CHSY3: variants seen among roughly 807,000 people sequenced by gnomAD.
CHSY3 encodes the protein chondroitin sulfate synthase 3.
Under a neutral mutation model 67.2 loss-of-function variants are expected in CHSY3, and 35 were observed. The observed-to-expected ratio is 0.52, with a 90% confidence interval of 0.40 to 0.69. CHSY3 has a LOEUF of 0.69. CHSY3 is among the 30% of genes least tolerant of loss of function. The probability of loss-of-function intolerance (pLI) is 0.00; values close to 1 mark genes in which losing one functional copy is unlikely to be tolerated. For missense variants in CHSY3, 1,069 were observed against 1,138.5 expected (o/e 0.94, Z 0.88); for synonymous variants, 474 against 434.7 (o/e 1.09, Z -1.12).
intron 2 of CHSY3, among the ~76,000 whole-genome samples, chr5:130,005,091 C>CA (rs1763837868): frequency 6.6e-6 from 1 of 151,872 alleles, no homozygotes; most frequent in African/African-American, 2.4e-5. Context: ...TTAGTTTGGC[C>CA]AAAAAACCTA....
rs756768725 is a variant in CHSY3, at chr5:130,185,087, A to T, written c.1945A>T (p.Lys649Ter). 1 of 1,603,702 alleles carries T rather than the reference A, an allele frequency of 6.2e-7. No homozygotes were observed. The highest frequency in any genetic ancestry group is 8.5e-7 in the Non-Finnish European group (1 of 1,170,582). The change falls in exon 3 of 3, where the codon AAG becomes TAG. Residue 649 changes from lysine (K) to a stop codon, truncating the protein, a stop_gained. Coordinates refer to ENST00000305031, the MANE Select transcript of CHSY3 (RefSeq NM_175856.5). LOFTEE classifies it high-confidence loss of function. ...CTTTGAAAACATGTGTCTTATCCCA[A>T]AGCAGAATGTAAAGTTGGTCATTAT... is the stretch of plus-strand genomic sequence containing the variant. The part of the protein sequence containing the change: ...ENFENMCLIP[K>*]QNVKLVIILF...
intron 2 of CHSY3, among the ~76,000 whole-genome samples, chr5:130,136,870 T>G (rs1419889023): frequency 6.6e-6 from 1 of 152,172 alleles, no homozygotes; most frequent in African/African-American, 2.4e-5. Context: ...AAGAACCAGA[T>G]CATCACCAAT....
intron 2 of CHSY3, among the ~76,000 whole-genome samples, chr5:130,022,420 A>G (rs1402735505): frequency 3.9e-5 from 6 of 152,008 alleles, no homozygotes; most frequent in African/African-American, 2.4e-5. Flanking sequence ...TAATACCACC[A>G]CTAATAATGT....
intron 2 of CHSY3, among the ~76,000 whole-genome samples, chr5:129,956,151 C>T (rs1762165870): frequency 6.6e-6 from 1 of 152,140 alleles, no homozygotes; most frequent in Admixed American, 6.6e-5. Flanking sequence ...AATTTACACT[C>T]CCGCCAACAG....
At chr5:130,127,603 T>C (rs1768336120) in intron 2 of CHSY3, among the ~76,000 whole-genome samples, 1 of 152,246 alleles carries the variant, frequency 6.6e-6, no homozygotes, top group African/African-American at 2.4e-5. Context: ...TGTTTTATTT[T>C]ATTTTCATGT....
chr5:130,068,783 G>C (rs1196171435), intron 2 of CHSY3, among the ~76,000 whole-genome samples: 1 of 152,132 alleles, frequency 6.6e-6, no homozygotes, highest in South Asian at 2.1e-4. Flanking sequence ...CCACTGTCAG[G>C]TTCTGGCTCG....
intron 2 of CHSY3, among the ~76,000 whole-genome samples, chr5:129,933,582 T>C (rs939327993): frequency 3.9e-5 from 6 of 152,196 alleles, no homozygotes; most frequent in African/African-American, 1.4e-4. Context: ...GTTAGCTAAG[T>C]TAATTTTACT....
intron 2 of CHSY3, among the ~76,000 whole-genome samples, chr5:130,046,066 A>G (rs537138751): frequency 6.6e-6 from 1 of 152,228 alleles, no homozygotes; most frequent in Admixed American, 6.6e-5. Context: ...AACGACTATT[A>G]TAACTCATGT....
chr5:130,089,115 T>G (rs1417394400), intron 2 of CHSY3, among the ~76,000 whole-genome samples: 2 of 149,920 alleles, frequency 1.3e-5, no homozygotes, highest in Non-Finnish European at 3.0e-5. Context: ...AGTAAACTAT[T>G]GCAAGGACAA....
At chr5:130,119,216 AC>A (rs1249063449) in intron 2 of CHSY3, among the ~76,000 whole-genome samples, 1 of 152,108 alleles carries the variant, frequency 6.6e-6, no homozygotes, top group African/African-American at 2.4e-5. Flanking sequence ...CAGAACTCCA[AC>A]TCAGGACTGA....
rs1760816356 is a variant in CHSY3 at position 129,918,808 on chromosome 5, T to TG, written c.1086+10448_1086+10449insG. ...ACATTGTAGATCAGTGATTCTCTTTTAAAAAAAAAAAAAAATTGGCCGGGC... is the reference window on the plus strand; with the variant it reads ...ACATTGTAGATCAGTGATTCTCTTTTGAAAAAAAAAAAAAAATTGGCCGGGC... On this transcript the variant is annotated intron_variant, in intron 2 of 2. Coordinates refer to ENST00000305031, the MANE Select transcript of CHSY3 (RefSeq NM_175856.5). Among the ~76,000 whole-genome samples the TG allele has an allele frequency of 3.4e-5, 5 of 145,286 alleles. 1 individual carries two copies. The South Asian group carries it at 1.1e-3, about 31-fold the overall frequency.
At chr5:130,111,950 T>C (rs949985480) in intron 2 of CHSY3, among the ~76,000 whole-genome samples, 1 of 152,124 alleles carries the variant, frequency 6.6e-6, no homozygotes, top group Admixed American at 6.6e-5. Context: ...GTATCATGTT[T>C]ATGAGGAATA....
chr5:129,908,493 G>T, intron 2 of CHSY3, 133 bp downstream of exon 2: 1 of 1,346,628 alleles, frequency 7.4e-7, no homozygotes, highest in South Asian at 1.5e-5. Context: ...GCCCTTAAGG[G>T]ATACAAGAGT....
chr5:130,135,703 T>C (rs760698504), intron 2 of CHSY3, among the ~76,000 whole-genome samples: 2 of 152,132 alleles, frequency 1.3e-5, no homozygotes, highest in Non-Finnish European at 2.9e-5. Flanking sequence ...TTACCAGTCA[T>C]GTTGAACTCA....
chr5:129,918,560 T>G (rs1019092375), intron 2 of CHSY3, among the ~76,000 whole-genome samples: 1 of 151,972 alleles, frequency 6.6e-6, no homozygotes, highest in Admixed American at 6.6e-5. Context: ...AGGGAAGAAA[T>G]GCCCGAGGAG....
At chr5:130,029,978 A>G (rs1353230475) in intron 2 of CHSY3, among the ~76,000 whole-genome samples, 2 of 152,170 alleles carry the variant, frequency 1.3e-5, no homozygotes, top group Non-Finnish European at 2.9e-5. Flanking sequence ...TGAATATTAT[A>G]AATGAAAGTT....
At chr5:129,915,990 A>T (rs1401737940) in intron 2 of CHSY3, among the ~76,000 whole-genome samples, 1 of 152,232 alleles carries the variant, frequency 6.6e-6, no homozygotes, top group Non-Finnish European at 1.5e-5. Context: ...ATGTTCCTTA[A>T]TAATTCTCTC....
At chr5:130,030,470 C>T (rs1164750820) in intron 2 of CHSY3, among the ~76,000 whole-genome samples, 1 of 151,994 alleles carries the variant, frequency 6.6e-6, no homozygotes, top group Non-Finnish European at 1.5e-5. Context: ...GGTTAATTTT[C>T]CAAAAGGAGC....
chr5:130,018,210 C>CA (rs199885351), intron 2 of CHSY3, among the ~76,000 whole-genome samples: 306 of 151,912 alleles, frequency 2.0e-3, no homozygotes, highest in Non-Finnish European at 2.8e-3. Flanking sequence ...TTATTTTTTA[C>CA]AAAAAAAGTC....
Sources: gnomAD v4.1 joint callset for allele counts (sites outside exome capture counted in the v4.1 genomes callset) on GRCh38, gnomAD v4.1.1 for gene constraint, MANE v1.5 for transcripts, NCBI Gene and HGNC (gene_info 2026-07-23, HGNC 2026-07-21) for gene names.